TPPP: variants seen among roughly 807,000 people sequenced by gnomAD.
TPPP encodes the protein tubulin polymerization promoting protein.
In TPPP, 6 loss-of-function variants were observed where a neutral mutation model predicts 15.5. That is an observed-to-expected ratio of 0.39 (90% CI 0.21 to 0.77). TPPP has a LOEUF of 0.77. Ranked by LOEUF, TPPP falls within the 30% of genes least tolerant of loss-of-function variation. The pLI is 0.42. For missense variants in TPPP, 269 were observed against 307.2 expected (o/e 0.88, Z 0.93); for synonymous variants, 146 against 133.9 (o/e 1.09, Z -0.63).
At chr5:697,193 C>A (rs538069988), upstream of TPPP, among the ~76,000 whole-genome samples, 6 of 151,638 alleles carry the variant, frequency 4.0e-5, no homozygotes, top group Admixed American at 3.3e-4. Flanking sequence ...CGACTCTGGC[C>A]CCCCTATCAC....
At chr5:691,898 A>G (rs1399831727) in intron 1 of TPPP, among the ~76,000 whole-genome samples, 1 of 53,024 alleles carries the variant, frequency 1.9e-5, no homozygotes. Flanking sequence ...GCAGCCCCCC[A>G]AACCCCCATC....
intron 2 of TPPP, among the ~76,000 whole-genome samples, chr5:677,082 C>T (rs963237024): frequency 3.3e-5 from 5 of 152,226 alleles, no homozygotes; most frequent in Admixed American, 2.0e-4. Flanking sequence ...CACGTGCACA[C>T]GACGCAGAAA....
chr5:675,482 A>AGGGGTGCAGTGTGGCCCG (rs1554022382), intron 2 of TPPP, among the ~76,000 whole-genome samples: 2 of 91,088 alleles, frequency 2.2e-5, no homozygotes, highest in African/African-American at 1.0e-4. Flanking sequence ...CAGTGTGGCC[A>AGGGGTGCAGTGTGGCCCG]GGGGTACATT....
At chr5:672,647 C>T (rs1009517526) in intron 2 of TPPP, among the ~76,000 whole-genome samples, 5 of 152,230 alleles carry the variant, frequency 3.3e-5, no homozygotes, top group African/African-American at 1.2e-4. Context: ...GGTCCTGAGG[C>T]ACCCATGGCA....
chr5:671,354 C>T (rs1479887842), intron 2 of TPPP, among the ~76,000 whole-genome samples: 1 of 152,062 alleles, frequency 6.6e-6, no homozygotes, highest in Non-Finnish European at 1.5e-5. Flanking sequence ...CCGGGCAGAT[C>T]TGAGGGGCCC....
chr5:694,232 C>A (rs1341779257), upstream of TPPP, among the ~76,000 whole-genome samples: 1 of 151,840 alleles, frequency 6.6e-6, no homozygotes, highest in Admixed American at 6.6e-5. Flanking sequence ...GTTGGCTCCC[C>A]ACAAGGTTCC....
At chr5:667,593 C>G (rs1739974459) in intron 2 of TPPP, among the ~76,000 whole-genome samples, 1 of 152,172 alleles carries the variant, frequency 6.6e-6, no homozygotes, top group Non-Finnish European at 1.5e-5. Context: ...AAACTCTGCT[C>G]TCAGAAGACA....
intron 1 of TPPP, among the ~76,000 whole-genome samples, chr5:692,226 A>T (rs1231279227): frequency 2.6e-5 from 3 of 114,906 alleles, no homozygotes. Context: ...CCCCTATCAA[A>T]ACAGTAGCCT....
chr5:685,664 C>A (rs938231828), intron 1 of TPPP, among the ~76,000 whole-genome samples: 2 of 152,228 alleles, frequency 1.3e-5, no homozygotes, highest in African/African-American at 2.4e-5. Context: ...AGGGTGCACC[C>A]AGCCCCTGGT....
intron 2 of TPPP, among the ~76,000 whole-genome samples, chr5:666,587 A>G (rs1739925477): frequency 6.6e-6 from 1 of 151,370 alleles, no homozygotes; most frequent in African/African-American, 2.5e-5. Context: ...ACTTGGCAGC[A>G]TGGGCGCAGG....
the TPPP span, among the ~76,000 whole-genome samples, chr5:700,256 C>T: frequency 1.5e-3 from 229 of 151,982 alleles, 1 homozygote; most frequent in African/African-American, 5.3e-3. Flanking sequence ...TAATACTACC[C>T]GTCCGTTAAC....
intron 2 of TPPP, among the ~76,000 whole-genome samples, chr5:676,876 A>G (rs447444): frequency 0.037 from 5,099 of 139,680 alleles, 318 homozygotes; most frequent in African/African-American, 0.16. Flanking sequence ...ACGCAGAAAC[A>G]TGCACACACG....
intron 1 of TPPP, among the ~76,000 whole-genome samples, chr5:679,102 G>C (rs1188218553): frequency 2.4e-3 from 358 of 152,144 alleles, no homozygotes; most frequent in African/African-American, 4.3e-3. Flanking sequence ...GACACAGGTA[G>C]GTGTCCCAAC....
intron 2 of TPPP, among the ~76,000 whole-genome samples, chr5:674,028 T>G (rs1285457290): frequency 6.6e-6 from 1 of 152,216 alleles, no homozygotes; most frequent in Non-Finnish European, 1.5e-5. Context: ...CAGCCGGCAC[T>G]GCACTTGGTG....
Position 665,085 on chromosome 5 carries a change from G to A in TPPP, c.*17C>T, listed in dbSNP as rs201438644. ...GCTCTGGGGACACCGGCAGTGCCGC[G>A]AGGCATGGAGCGGGGGCTACTTGCC... On this transcript the variant is annotated 3_prime_UTR_variant, in exon 4 of 4. Coordinates refer to ENST00000360578, the MANE Select transcript of TPPP (RefSeq NM_007030.3). The A allele has an allele frequency of 1.7e-5, 27 of 1,603,926 alleles. No homozygotes were observed. The highest frequency in any genetic ancestry group is 1.6e-4 in the East Asian group (7 of 44,832).
intron 2 of TPPP, among the ~76,000 whole-genome samples, chr5:675,381 AGC>A: frequency 1.6e-5 from 1 of 62,224 alleles, no homozygotes; most frequent in South Asian, 6.6e-4. Flanking sequence ...CCGGGGGTGC[AGC>A]GCAGAGGGTG....
rs372812786 is a variant in TPPP at position 672,685 on chromosome 5, G to A, written c.311+5065C>T. ...GGCCCCTCCCCAGGCTCGAGGAGGC[G>A]CTGGGAGATTCGCTGTCCATGGCTC... On this transcript the variant is annotated intron_variant, in intron 2 of 3. Coordinates refer to ENST00000360578, the MANE Select transcript of TPPP (RefSeq NM_007030.3). Among the ~76,000 whole-genome samples, 80 of 152,212 alleles carry A rather than the reference G, an allele frequency of 5.3e-4. 1 individual carries two copies. Among genetic ancestry groups the A allele is most frequent in the African/African-American group, 1.6e-3 (65 of 41,462 alleles).
intron 2 of TPPP, chr5:667,269 A>C (rs543923147): frequency 6.6e-6 from 1 of 152,366 alleles, no homozygotes; most frequent in African/African-American, 2.4e-5. Context: ...TGGCTCAGCC[A>C]CATGCATGCT....
At chr5:693,572 A>G (rs1249092180), upstream of TPPP, among the ~76,000 whole-genome samples, 3 of 151,088 alleles carry the variant, frequency 2.0e-5, no homozygotes, top group East Asian at 2.0e-4. Context: ...GGCCCCGCGG[A>G]CCGCCGGGTA....
Sources: gnomAD v4.1 joint callset for allele counts (sites outside exome capture counted in the v4.1 genomes callset) on GRCh38, gnomAD v4.1.1 for gene constraint, MANE v1.5 for transcripts, NCBI Gene and HGNC (gene_info 2026-07-23, HGNC 2026-07-21) for gene names.